LCORL: variants seen among roughly 807,000 people sequenced by gnomAD.
The protein encoded by LCORL is ligand-dependent nuclear receptor corepressor-like protein.
A neutral mutation model predicts 141.8 loss-of-function variants in LCORL; 41 were observed. That is an observed-to-expected ratio of 0.29 (90% confidence interval 0.23 to 0.38). The LOEUF is 0.38. Ranked by LOEUF, LCORL falls within the 10% of genes least tolerant of loss-of-function variation. The pLI, the probability that LCORL is intolerant of heterozygous loss-of-function variation, is 1.00. For synonymous variants in LCORL, 618 were observed against 694.1 expected (o/e 0.89, Z 1.72); for missense variants, 1,759 against 2,035.0 (o/e 0.86, Z 2.61).
At chr4:17,848,108 T>C (rs73096993) in intron 7 of LCORL, among the ~76,000 whole-genome samples, 2 of 152,332 alleles carry the variant, frequency 1.3e-5, no homozygotes, top group Admixed American at 6.5e-5. Context: ...TGGTATAGTA[T>C]AAATTTGGGT....
At chr4:17,870,562 TC>T (rs2109163806) in intron 7 of LCORL, among the ~76,000 whole-genome samples, 1 of 152,264 alleles carries the variant, frequency 6.6e-6, no homozygotes, top group South Asian at 2.1e-4. Context: ...CATTTTTCTA[TC>T]CTTCATGACA....
At chr4:17,845,811 A>AT (rs1722861163) in exon 8 of LCORL, 1 of 1,613,544 alleles carries the variant, frequency 6.2e-7, no homozygotes, top group Non-Finnish European at 8.5e-7. Context: ...CAATGGGACG[A>AT]TTAAGGCACA....
chr4:17,916,808 C>A (rs1733520280), intron 4 of LCORL, among the ~76,000 whole-genome samples: 1 of 151,976 alleles, frequency 6.6e-6, no homozygotes, highest in Non-Finnish European at 1.5e-5. Flanking sequence ...CCAAGCCCAG[C>A]TAAGTTTTGT....
At chr4:17,857,836 T>C (rs1465177890) in intron 7 of LCORL, among the ~76,000 whole-genome samples, 1 of 152,202 alleles carries the variant, frequency 6.6e-6, no homozygotes, top group Non-Finnish European at 1.5e-5. Flanking sequence ...CCAACAATGC[T>C]TAAGACATGA....
At chr4:17,967,276 G>A (rs1204627271) in intron 2 of LCORL, among the ~76,000 whole-genome samples, 1 of 152,162 alleles carries the variant, frequency 6.6e-6, no homozygotes, top group African/African-American at 2.4e-5. Context: ...TGACTAGGTA[G>A]AGTTTAGAAG....
rs370045124 is a variant in LCORL at position 17,907,198 on chromosome 4, C to T, written c.682+1896G>A. Among the ~76,000 whole-genome samples, 4 of 152,182 alleles carry T rather than the reference C, an allele frequency of 2.6e-5. 1 individual carries two copies. The East Asian group carries it at 7.7e-4, about 29-fold the overall frequency. ...CTCAGTCCTACGTTACTGTAACAGC[C>T]ATACAAGTATTTATAGATCACTATC... On this transcript the variant is annotated intron_variant, in intron 5 of 7. Transcript: ENST00000635767.
intron 4 of LCORL, among the ~76,000 whole-genome samples, chr4:17,925,073 G>A (rs1734907967): frequency 6.6e-6 from 1 of 152,178 alleles, no homozygotes; most frequent in Non-Finnish European, 1.5e-5. Flanking sequence ...AGAGATGTTA[G>A]TTCCAGAGGG....
intron 7 of LCORL, among the ~76,000 whole-genome samples, chr4:17,846,306 ATGTAT>A: frequency 6.6e-6 from 1 of 152,226 alleles, no homozygotes; most frequent in Admixed American, 6.5e-5. Context: ...CCACCTTCAC[ATGTAT>A]TGTCTCATCT....
intron 1 of LCORL, among the ~76,000 whole-genome samples, chr4:17,994,876 T>C (rs1720659519): frequency 6.6e-6 from 1 of 152,184 alleles, no homozygotes; most frequent in Non-Finnish European, 1.5e-5. Context: ...CCTGTCATCC[T>C]GCTGGCTATG....
intron 1 of LCORL, among the ~76,000 whole-genome samples, chr4:17,994,533 T>C (rs1401959278): frequency 1.3e-5 from 2 of 152,230 alleles, no homozygotes; most frequent in Non-Finnish European, 2.9e-5. Flanking sequence ...TCATCTGATC[T>C]ATTTTGCTTT....
At chr4:17,844,788 A>G (rs1722764332) in exon 8 of LCORL, 1 of 152,434 alleles carries the variant, frequency 6.6e-6, no homozygotes. Flanking sequence ...CCAAAAAGAA[A>G]GGAGCCATGT....
At chr4:17,901,033 T>C (rs1318229046) in intron 5 of LCORL, among the ~76,000 whole-genome samples, 3 of 152,102 alleles carry the variant, frequency 2.0e-5, no homozygotes, top group Non-Finnish European at 2.9e-5. Context: ...CCTTGTTGGA[T>C]TGCCGGAATG....
At chr4:17,864,872 T>C (rs1024855057) in intron 7 of LCORL, among the ~76,000 whole-genome samples, 3 of 152,186 alleles carry the variant, frequency 2.0e-5, no homozygotes, top group African/African-American at 7.2e-5. Context: ...ATAAATTAGA[T>C]TTCAGAGTAA....
At chr4:17,875,578 T>C in exon 7 of LCORL, 2 of 1,231,328 alleles carry the variant, frequency 1.6e-6, no homozygotes, top group Non-Finnish European at 2.0e-6. Context: ...GTAATACTCT[T>C]TTTATAAATA....
At chr4:17,904,747 T>C (rs536127250) in intron 5 of LCORL, among the ~76,000 whole-genome samples, 10 of 152,268 alleles carry the variant, frequency 6.6e-5, no homozygotes, top group Admixed American at 3.3e-4. Context: ...TACTTATTTT[T>C]ATCCTGGCCA....
At chr4:17,983,602 G>A (rs111370140) in intron 1 of LCORL, among the ~76,000 whole-genome samples, 3,424 of 152,122 alleles carry the variant, frequency 0.023, 107 homozygotes, top group East Asian at 0.13. Context: ...GGTAATATTT[G>A]TACATTGCTT....
chr4:18,002,317 A>G (rs1722108016), intron 1 of LCORL, among the ~76,000 whole-genome samples: 2 of 152,156 alleles, frequency 1.3e-5, no homozygotes, highest in South Asian at 2.1e-4. Context: ...GACATAAACA[A>G]TGCTTTCTTA....
intron 4 of LCORL, chr4:17,911,875 G>A: frequency 2.1e-6 from 1 of 476,188 alleles, no homozygotes; most frequent in Non-Finnish European, 4.0e-6. Context: ...CGTGGGGATG[G>A]CCGGGGGTCT....
chr4:17,843,296 A>G (rs1219857579), exon 8 of LCORL: 5 of 1,610,572 alleles, frequency 3.1e-6, no homozygotes, highest in African/African-American at 2.7e-5. Context: ...TTCAACATCT[A>G]TTTAGTGATC....
Sources: gnomAD v4.1 joint callset for allele counts (sites outside exome capture counted in the v4.1 genomes callset) on GRCh38, gnomAD v4.1.1 for gene constraint, MANE v1.5 for transcripts, NCBI Gene and HGNC (gene_info 2026-07-23, HGNC 2026-07-21) for gene names.